The following SLC13A3 variants were observed in gnomAD, a reference collection of about 807,000 sequenced individuals.
SLC13A3 encodes the protein solute carrier family 13 member 3, also known as Na(+)/dicarboxylate cotransporter 3.
SLC13A3 carries 40 observed loss-of-function variants against 59.0 expected under a neutral mutation model. The observed-to-expected ratio is 0.68, with a 90% confidence interval of 0.53 to 0.88. The LOEUF (loss-of-function observed/expected upper bound fraction) is 0.88. SLC13A3 is among the 40% of genes least tolerant of loss of function. The probability of loss-of-function intolerance (pLI) is 0.00; values close to 1 mark genes in which losing one functional copy is unlikely to be tolerated. For synonymous variants in SLC13A3, 317 were observed against 330.3 expected (o/e 0.96, Z 0.44); for missense variants, 699 against 783.2 (o/e 0.89, Z 1.28).
At chr20:46,643,866 C>T (rs1283206547) in intron 1 of SLC13A3, among the ~76,000 whole-genome samples, 1 of 151,922 alleles carries the variant, frequency 6.6e-6, no homozygotes. Context: ...GGCATGACTC[C>T]ATCTCTACAA....
At chr20:46,620,167 G>A (rs1331093389) in intron 1 of SLC13A3, among the ~76,000 whole-genome samples, 1 of 152,166 alleles carries the variant, frequency 6.6e-6, no homozygotes, top group East Asian at 1.9e-4. Context: ...GTTACTATGT[G>A]CCTGGGACTG....
chr20:46,567,781 G>T (rs2061993435), intron 10 of SLC13A3, among the ~76,000 whole-genome samples: 1 of 152,144 alleles, frequency 6.6e-6, no homozygotes, highest in African/African-American at 2.4e-5. Flanking sequence ...TTAAATAACT[G>T]ACCCAACACA....
intron 3 of SLC13A3, among the ~76,000 whole-genome samples, chr20:46,608,138 G>A (rs893353610): frequency 6.6e-6 from 1 of 152,144 alleles, no homozygotes; most frequent in African/African-American, 2.4e-5. Flanking sequence ...TACAGCAGGG[G>A]TCAGTGACCT....
chr20:46,630,477 C>A (rs529349985), intron 1 of SLC13A3, among the ~76,000 whole-genome samples: 1 of 152,196 alleles, frequency 6.6e-6, no homozygotes, highest in Admixed American at 6.5e-5. Context: ...CAGAAGCATG[C>A]GCCACTCTTG....
intron 1 of SLC13A3, among the ~76,000 whole-genome samples, chr20:46,640,234 T>G (rs2062834242): frequency 6.6e-6 from 1 of 152,106 alleles, no homozygotes; most frequent in East Asian, 1.9e-4. Flanking sequence ...GTGTCGGCAC[T>G]TTCTTGTAGG....
intron 1 of SLC13A3, among the ~76,000 whole-genome samples, chr20:46,663,903 T>G (rs148629239): frequency 3.2e-4 from 49 of 152,274 alleles, no homozygotes; most frequent in African/African-American, 1.1e-3. Flanking sequence ...AAAGTAGCAG[T>G]GAGTATCCTT....
intron 9 of SLC13A3, among the ~76,000 whole-genome samples, chr20:46,579,570 G>A (rs1394785714): frequency 6.6e-6 from 1 of 152,218 alleles, no homozygotes; most frequent in Admixed American, 6.5e-5. Context: ...CAGGGTCACT[G>A]GTGGCCAAAG....
rs1356665674 is a variant in SLC13A3 at position 46,596,140 on chromosome 20, G to A, written c.794+17C>T. 6.2e-7 allele frequency: 1 copy of A among 1,609,542 alleles called. No homozygotes were observed. The highest frequency in any genetic ancestry group is 8.5e-7 in the Non-Finnish European group (1 of 1,177,726). On this transcript the variant is annotated intron_variant, in intron 5 of 12. Transcript: ENST00000279027. ...AGGAGCAGAACCCTCCCCGCCGGTGGGGACTCTCGCTTTCACCTCTTGAGC... is the reference window on the plus strand; with the variant it reads ...AGGAGCAGAACCCTCCCCGCCGGTGAGGACTCTCGCTTTCACCTCTTGAGC...
chr20:46,654,782 A>G (rs1301782114), upstream of SLC13A3, among the ~76,000 whole-genome samples: 13 of 152,156 alleles, frequency 8.5e-5, no homozygotes, highest in African/African-American at 2.9e-4. Flanking sequence ...CCACCGGCCT[A>G]GGCAACACAA....
intron 3 of SLC13A3, among the ~76,000 whole-genome samples, chr20:46,601,123 G>T (rs1216665332): frequency 6.6e-6 from 1 of 152,114 alleles, no homozygotes; most frequent in Non-Finnish European, 1.5e-5. Flanking sequence ...TAGGGGAGAT[G>T]GGGGTGGGGA....
intron 3 of SLC13A3, chr20:46,609,109 C>T: frequency 6.5e-7 from 1 of 1,532,958 alleles, no homozygotes; most frequent in South Asian, 1.2e-5. Flanking sequence ...CCATTTCTGC[C>T]CACATATGTA....
At chr20:46,584,054 C>T (rs962213149) in intron 8 of SLC13A3, 1 of 985,230 alleles carries the variant, frequency 1.0e-6, no homozygotes, top group African/African-American at 1.7e-5. Flanking sequence ...GCTTGAATCC[C>T]TCCTGGGATG....
At chr20:46,609,040 A>T (rs2062464420) in intron 3 of SLC13A3, 1 of 1,550,600 alleles carries the variant, frequency 6.4e-7, no homozygotes, top group African/African-American at 1.4e-5. Context: ...TCAGAGAGGA[A>T]AGTATTGGGT....
At chr20:46,575,377 A>G (rs1326776020) in intron 10 of SLC13A3, among the ~76,000 whole-genome samples, 196 bp downstream of exon 10, 1 of 152,234 alleles carries the variant, frequency 6.6e-6, no homozygotes, top group Non-Finnish European at 1.5e-5. Context: ...GATCCAGGCC[A>G]TAACTCATTC....
In SLC13A3 at chr20:46,651,153, G is replaced by A. The variant is rs117045333; in HGVS notation, c.111+158C>T. Among the ~76,000 whole-genome samples the A allele has an allele frequency of 7.9e-4, 121 of 152,302 alleles. No homozygotes were observed. The East Asian group carries it at 0.023, about 29-fold the overall frequency. ...GGAAGAGGGAAGAGGCGTTAGGAGC[G>A]TTCACAGCGGTCCGCGGCAGGTGCA... On this transcript the variant is annotated intron_variant, in intron 1 of 12. Coordinates refer to ENST00000279027, the MANE Select transcript of SLC13A3 (RefSeq NM_022829.6).
intron 3 of SLC13A3, among the ~76,000 whole-genome samples, chr20:46,603,962 T>G (rs2062409155): frequency 6.9e-6 from 1 of 145,044 alleles, no homozygotes; most frequent in Non-Finnish European, 1.5e-5. Flanking sequence ...CTGCACTCCA[T>G]CTTGGGTGAC....
At chr20:46,616,972 ACT>A (rs1789636270) in intron 1 of SLC13A3, among the ~76,000 whole-genome samples, 1 of 151,758 alleles carries the variant, frequency 6.6e-6, no homozygotes, top group Admixed American at 6.6e-5. Context: ...GCAGCATGAA[ACT>A]CTGTCTCCAG....
chr20:46,633,211 C>CAGGGAAAGGACCCAACCTGGAA (rs2062762065), intron 1 of SLC13A3, among the ~76,000 whole-genome samples: 1 of 152,070 alleles, frequency 6.6e-6, no homozygotes, highest in African/African-American at 2.4e-5. Flanking sequence ...AGAGCAGGCC[C>CAGGGAAAGGACCCAACCTGGAA]AGGGAAAGGA....
chr20:46,638,561 G>A (rs1056059961), intron 1 of SLC13A3, among the ~76,000 whole-genome samples: 15 of 152,212 alleles, frequency 9.9e-5, no homozygotes, highest in Admixed American at 6.5e-5. Flanking sequence ...GAGAGGCCCT[G>A]AGGGCAGGAG....
Sources: allele counts gnomAD v4.1 joint callset (sites outside exome capture counted in the v4.1 genomes callset), GRCh38; gene constraint gnomAD v4.1.1; transcripts MANE v1.5; gene names NCBI Gene and HGNC (gene_info 2026-07-23, HGNC 2026-07-21).